NARS2: variants seen among roughly 807,000 people sequenced by gnomAD.
NARS2 encodes the protein asparaginyl-tRNA synthetase.
Under a neutral mutation model 62.9 loss-of-function variants are expected in NARS2, and 60 were observed. That is an observed-to-expected ratio of 0.95 (90% CI 0.77 to 1.18). The LOEUF (loss-of-function observed/expected upper bound fraction) is 1.18, where lower values mean the gene tolerates loss of function less well. Ranked by LOEUF, NARS2 falls within the 50% of genes most tolerant of loss-of-function variation. The probability of loss-of-function intolerance (pLI) is 0.00; values close to 1 mark genes in which losing one functional copy is unlikely to be tolerated. For synonymous variants in NARS2, 196 were observed against 200.0 expected (o/e 0.98, Z 0.17); for missense variants, 619 against 576.4 (o/e 1.07, Z -0.76).
chr11:78,525,072 C>T lies in NARS2; in HGVS notation c.689+3770G>A, dbSNP rs146752255. 1.3e-4 allele frequency among the ~76,000 whole-genome samples: 20 copies of T among 152,208 alleles called. No homozygotes were observed. In the East Asian group the frequency reaches 3.5e-3, roughly 26 times the overall value. ...GCTCTATGGTGTATGATTCCAACTA[C>T]GTGACATTCTGGAAAAGGCAAAACT... On this transcript the variant is annotated intron_variant, in intron 6 of 13. Transcript: ENST00000281038.
At chr11:78,562,897 G>A (rs957576226) in intron 4 of NARS2, among the ~76,000 whole-genome samples, 4 of 152,136 alleles carry the variant, frequency 2.6e-5, no homozygotes, top group Non-Finnish European at 4.4e-5. Context: ...TGAAACTTAC[G>A]AAAATTTTTT....
intron 6 of NARS2, among the ~76,000 whole-genome samples, chr11:78,499,637 G>A (rs557488205): frequency 3.3e-5 from 5 of 152,102 alleles, no homozygotes; most frequent in African/African-American, 4.8e-5. Flanking sequence ...GGACTAGAGC[G>A]GGTGAACTGC....
chr11:78,523,803 G>C (rs570316331), intron 6 of NARS2, among the ~76,000 whole-genome samples: 2 of 152,260 alleles, frequency 1.3e-5, no homozygotes, highest in Middle Eastern at 3.4e-3. Context: ...TGGTTGCCCA[G>C]GGGTGGGGGC....
rs1390905829 is a variant in NARS2 at position 78,437,324 on chromosome 11, TTTTTATCACC to T, written c.1290-520_1290-511del. Reference sequence around the variant, plus strand: ...GGGCAGGAACTGTGCTTCATTCAACTTTTTATCACCAGGGAGCTCTAGAGTAGGTGTTAAT... The same window carrying T: ...GGGCAGGAACTGTGCTTCATTCAACTAGGGAGCTCTAGAGTAGGTGTTAAT... On this transcript the variant is annotated intron_variant, in intron 13 of 13. Coordinates refer to ENST00000281038, the MANE Select transcript of NARS2 (RefSeq NM_024678.6). 2.6e-5 allele frequency among the ~76,000 whole-genome samples: 4 copies of T among 152,318 alleles called. No homozygotes were observed. The East Asian group carries it at 7.7e-4, about 29-fold the overall frequency.
intron 5 of NARS2, among the ~76,000 whole-genome samples, chr11:78,533,482 T>C (rs149045842): frequency 5.3e-5 from 8 of 152,346 alleles, no homozygotes; most frequent in African/African-American, 1.7e-4. Flanking sequence ...GAAGTGAATG[T>C]CTACAGCTTA....
chr11:78,507,511 TTTC>T (rs1370204685), intron 6 of NARS2, among the ~76,000 whole-genome samples: 10 of 138,646 alleles, frequency 7.2e-5, no homozygotes, highest in Admixed American at 8.3e-5. Context: ...CCAGTTTTCA[TTTC>T]TTTTATTCTT....
rs185764411 is a variant in NARS2, at chr11:78,452,712, T to C, written c.1165-8954A>G. On this transcript the variant is annotated intron_variant, in intron 11 of 13. Coordinates refer to ENST00000281038, the MANE Select transcript of NARS2 (RefSeq NM_024678.6). ...GCATGAGTCACCATGCCCAGCTCTA[T>C]GATTATTTCTAAGATGATAAATAAT... is the stretch of plus-strand genomic sequence containing the variant. Among the ~76,000 whole-genome samples the C allele has an allele frequency of 1.7e-3, 266 of 152,292 alleles. 3 individuals are homozygous for C. The highest frequency in any genetic ancestry group is 6.8e-3 in the Middle Eastern group (2 of 294).
intron 7 of NARS2, among the ~76,000 whole-genome samples, chr11:78,480,422 T>C (rs1038276973): frequency 1.3e-5 from 2 of 152,026 alleles, no homozygotes; most frequent in African/African-American, 2.4e-5. Context: ...GCCTAGATAA[T>C]TTTTCTATTT....
chr11:78,532,184 A>G (rs192986525), intron 5 of NARS2, among the ~76,000 whole-genome samples: 6 of 152,326 alleles, frequency 3.9e-5, no homozygotes, highest in Non-Finnish European at 7.4e-5. Context: ...TATATGAATT[A>G]AACACCCAAC....
At chr11:78,513,914 G>A (rs1452625846) in intron 6 of NARS2, among the ~76,000 whole-genome samples, 1 of 151,948 alleles carries the variant, frequency 6.6e-6, no homozygotes, top group Non-Finnish European at 1.5e-5. Context: ...GGGTTCTCAT[G>A]TGATGTGATC....
intron 6 of NARS2, among the ~76,000 whole-genome samples, chr11:78,498,268 G>A (rs1860140343): frequency 6.6e-6 from 1 of 152,154 alleles, no homozygotes; most frequent in Non-Finnish European, 1.5e-5. Context: ...GATACACCTT[G>A]AAATACCCTC....
chr11:78,504,434 G>GTTT (rs758781275), intron 6 of NARS2, among the ~76,000 whole-genome samples: 6 of 61,388 alleles, frequency 9.8e-5, no homozygotes, highest in Non-Finnish European at 2.1e-4. Flanking sequence ...CAAAACACCA[G>GTTT]TTTTTTTTTT....
chr11:78,493,521 G>C (rs2135327085), intron 6 of NARS2, among the ~76,000 whole-genome samples: 1 of 152,208 alleles, frequency 6.6e-6, no homozygotes, highest in African/African-American at 2.4e-5. Context: ...AGCTAGGTGT[G>C]ATGGCCTGTG....
chr11:78,530,628 A>G (rs1861443191), intron 5 of NARS2, among the ~76,000 whole-genome samples: 1 of 152,150 alleles, frequency 6.6e-6, no homozygotes, highest in African/African-American at 2.4e-5. Flanking sequence ...ATTGGCCAAC[A>G]TGCCCAGCTA....
At chr11:78,572,420 T>C (rs1315972223) in intron 1 of NARS2, among the ~76,000 whole-genome samples, 8 of 152,184 alleles carry the variant, frequency 5.3e-5, no homozygotes, top group Non-Finnish European at 1.0e-4. Flanking sequence ...AGTCACCGAT[T>C]AGTAGAGTTG....
intron 11 of NARS2, 177 bp from the exon 12 acceptor site, chr11:78,443,935 G>C (rs953682190): frequency 2.1e-6 from 1 of 479,016 alleles, no homozygotes; most frequent in African/African-American, 1.9e-5. Flanking sequence ...CATTTGTGTA[G>C]TATACTGAAC....
chr11:78,508,634 G>C (rs1399293211), intron 6 of NARS2, among the ~76,000 whole-genome samples: 7 of 151,310 alleles, frequency 4.6e-5, no homozygotes, highest in African/African-American at 1.7e-4. Flanking sequence ...AAGAAATAAT[G>C]GCTGAAAACT....
At chr11:78,522,541 A>G (rs1172252081) in intron 6 of NARS2, among the ~76,000 whole-genome samples, 2 of 152,214 alleles carry the variant, frequency 1.3e-5, no homozygotes, top group African/African-American at 2.4e-5. Context: ...TTTGTACACC[A>G]AAATTTACTT....
intron 6 of NARS2, among the ~76,000 whole-genome samples, chr11:78,518,892 A>C (rs1421086827): frequency 1.3e-5 from 2 of 152,246 alleles, no homozygotes; most frequent in Non-Finnish European, 2.9e-5. Context: ...TTCTATGAGA[A>C]AAGCAGGAAG....
Sources: gnomAD v4.1 joint callset for allele counts (sites outside exome capture counted in the v4.1 genomes callset) on GRCh38, gnomAD v4.1.1 for gene constraint, MANE v1.5 for transcripts, NCBI Gene and HGNC (gene_info 2026-07-23, HGNC 2026-07-21) for gene names.